Variants in RBFOX1 observed in about 807,000 individuals in gnomAD.
RBFOX1 encodes RNA binding protein fox-1 homolog 1.
In RBFOX1, 8 loss-of-function variants were observed where a neutral mutation model predicts 57.7. The ratio of observed to expected loss-of-function variants is 0.14; its 90% confidence interval spans 0.08 to 0.25. RBFOX1 has a LOEUF of 0.25. Among genes scored for constraint, RBFOX1 ranks in the 10% least tolerant of loss-of-function variants. The pLI is 1.00. For missense variants in RBFOX1, 611 were observed against 548.5 expected (o/e 1.11, Z -1.14); for synonymous variants, 326 against 222.4 (o/e 1.47, Z -4.15).
intron 14 of RBFOX1, among the ~76,000 whole-genome samples, chr16:7,705,776 C>G (rs1302912135): frequency 6.6e-6 from 1 of 152,104 alleles, no homozygotes. Flanking sequence ...AGATTTATGG[C>G]TGTTGAGTTG....
intron 14 of RBFOX1, among the ~76,000 whole-genome samples, chr16:7,683,472 A>T (rs911898444): frequency 1.1e-4 from 16 of 152,028 alleles, no homozygotes; most frequent in Admixed American, 1.0e-3. Context: ...GAATCAGTTT[A>T]AAAAAAGAAC....
chr16:7,553,232 C>A (rs1448937941), intron 5 of RBFOX1, among the ~76,000 whole-genome samples: 1 of 152,186 alleles, frequency 6.6e-6, no homozygotes, highest in Non-Finnish European at 1.5e-5. Context: ...TCAGCCTCAA[C>A]CTCCTGGGCT....
intron 3 of RBFOX1, among the ~76,000 whole-genome samples, chr16:5,701,309 A>G (rs930786174): frequency 6.6e-6 from 1 of 152,246 alleles, no homozygotes; most frequent in African/African-American, 2.4e-5. Context: ...ATGTAATGCA[A>G]ACAAATACAA....
At chr16:6,033,448 C>A (rs933472097) in intron 1 of RBFOX1, among the ~76,000 whole-genome samples, 1 of 152,094 alleles carries the variant, frequency 6.6e-6, no homozygotes, top group Non-Finnish European at 1.5e-5. Flanking sequence ...TCTCATGCAC[C>A]CTTTCATATA....
At chr16:6,071,487 C>T (rs2095837444) in intron 1 of RBFOX1, among the ~76,000 whole-genome samples, 1 of 152,014 alleles carries the variant, frequency 6.6e-6, no homozygotes, top group Non-Finnish European at 1.5e-5. Flanking sequence ...CATGAGTTTA[C>T]CGATATAACA....
intron 1 of RBFOX1, among the ~76,000 whole-genome samples, chr16:5,251,779 G>A (rs1289296463): frequency 6.6e-6 from 1 of 151,558 alleles, no homozygotes. Context: ...TGCAACATGT[G>A]TCAACATTCC....
At chr16:6,601,099 G>C (rs546529734) in intron 2 of RBFOX1, among the ~76,000 whole-genome samples, 10 of 152,176 alleles carry the variant, frequency 6.6e-5, no homozygotes, top group Admixed American at 3.3e-4. Flanking sequence ...CAACAGCTTA[G>C]GGATTTAAGT....
intron 4 of RBFOX1, among the ~76,000 whole-genome samples, chr16:7,201,531 G>A (rs2088477359): frequency 6.6e-6 from 1 of 151,694 alleles, no homozygotes; most frequent in Non-Finnish European, 1.5e-5. Flanking sequence ...GCACAATCTG[G>A]GCTCACTGCA....
chr16:7,688,870 G>A (rs556602123), intron 14 of RBFOX1, among the ~76,000 whole-genome samples: 1 of 152,024 alleles, frequency 6.6e-6, no homozygotes, highest in Non-Finnish European at 1.5e-5. Context: ...TTTCTTAGAG[G>A]AAATGAAGAT....
chr16:5,320,932 T>C (rs970832437), intron 1 of RBFOX1, among the ~76,000 whole-genome samples: 21 of 152,168 alleles, frequency 1.4e-4, no homozygotes, highest in African/African-American at 5.1e-4. Flanking sequence ...TGGCTGACCC[T>C]GGCTGTGGGC....
chr16:7,207,888 CAGTG>C (rs1202119959), intron 4 of RBFOX1, among the ~76,000 whole-genome samples: 2 of 152,160 alleles, frequency 1.3e-5, no homozygotes, highest in Non-Finnish European at 2.9e-5. Flanking sequence ...TAAATGGTGA[CAGTG>C]AGAGTTGAAC....
At chr16:7,692,962 C>T (rs1431524941) in intron 14 of RBFOX1, among the ~76,000 whole-genome samples, 1 of 151,886 alleles carries the variant, frequency 6.6e-6, no homozygotes, top group Admixed American at 6.6e-5. Context: ...ATTTCTTAAT[C>T]ATTAGTCCCA....
Position 5,441,145 on chromosome 16 carries a change from G to T in RBFOX1, c.220-26071G>T, listed in dbSNP as rs581163. 4.5e-3 allele frequency among the ~76,000 whole-genome samples: 684 copies of T among 152,212 alleles called. 10 individuals are homozygous for T. The highest frequency in any genetic ancestry group is 0.016 in the African/African-American group (648 of 41,528). Reference sequence around the variant, plus strand: ...CTGTGCCCAGAGCTGCAAGAAAATTGGGTAGTGGGTCCCTAGTTGAAAGAT... The same window carrying T: ...CTGTGCCCAGAGCTGCAAGAAAATTTGGTAGTGGGTCCCTAGTTGAAAGAT... On this transcript the variant is annotated intron_variant, in intron 1 of 2. Transcript: ENST00000585867.
At chr16:5,955,148 C>G (rs1284769944) in intron 4 of RBFOX1, among the ~76,000 whole-genome samples, 1 of 31,074 alleles carries the variant, frequency 3.2e-5, no homozygotes, top group Non-Finnish European at 7.1e-5. Context: ...AAAAAAAAGC[C>G]AGGCGCACCT....
At chr16:7,447,407 T>C (rs1301835388) in intron 4 of RBFOX1, among the ~76,000 whole-genome samples, 1 of 132,256 alleles carries the variant, frequency 7.6e-6, no homozygotes, top group Non-Finnish European at 1.5e-5. Flanking sequence ...CACTCCAGGC[T>C]GGCCAACCGA....
At chr16:6,009,702 C>G (rs527783865) in intron 4 of RBFOX1, among the ~76,000 whole-genome samples, 1 of 152,230 alleles carries the variant, frequency 6.6e-6, no homozygotes, top group South Asian at 2.1e-4. Flanking sequence ...CTCCTCCCCC[C>G]ACCTCCAAGC....
At chr16:7,341,126 T>C (rs1299811929) in intron 4 of RBFOX1, among the ~76,000 whole-genome samples, 1 of 152,098 alleles carries the variant, frequency 6.6e-6, no homozygotes, top group East Asian at 1.9e-4. Flanking sequence ...ATTTATGTTT[T>C]TCCCCCGTCT....
intron 2 of RBFOX1, among the ~76,000 whole-genome samples, chr16:6,535,508 A>G (rs1275922975): frequency 6.6e-6 from 1 of 152,208 alleles, no homozygotes; most frequent in African/African-American, 2.4e-5. Flanking sequence ...CATTCCCTAT[A>G]AACTCCATGT....
chr16:6,311,462 A>G (rs1464397802), intron 1 of RBFOX1, among the ~76,000 whole-genome samples: 1 of 152,026 alleles, frequency 6.6e-6, no homozygotes, highest in East Asian at 1.9e-4. Context: ...GCAAAAGGAG[A>G]TGATGTTGGA....
Sources: allele counts gnomAD v4.1 joint callset (sites outside exome capture counted in the v4.1 genomes callset), GRCh38; gene constraint gnomAD v4.1.1; transcripts MANE v1.5; gene names NCBI Gene and HGNC (gene_info 2026-07-23, HGNC 2026-07-21).